The following TACR1 variants were observed in gnomAD, a reference collection of about 807,000 sequenced individuals.
The protein encoded by TACR1 is tachykinin receptor 1, also known as substance-P receptor.
Under a neutral mutation model 35.8 loss-of-function variants are expected in TACR1, and 25 were observed. The observed-to-expected ratio is 0.70, with a 90% CI of 0.51 to 0.98. TACR1 has a LOEUF of 0.98. TACR1 is among the 50% of genes least tolerant of loss of function. The pLI is 0.00. For missense variants in TACR1, 478 were observed against 522.9 expected, an observed-to-expected ratio of 0.91 and a Z score of 0.84; for synonymous variants, 195 against 206.7, an observed-to-expected ratio of 0.94 and a Z score of 0.48.
At position 75,106,195 on chromosome 2, in the gene TACR1, T is replaced by C. The variant is rs566656813; in HGVS notation, c.584+14379A>G. Among the ~76,000 whole-genome samples, 44 of 152,180 alleles carry C rather than the reference T, an allele frequency of 2.9e-4. No homozygotes were observed. In the South Asian group the frequency reaches 9.1e-3, roughly 32 times the overall value. On this transcript the variant is annotated intron_variant, in intron 2 of 4. Coordinates refer to ENST00000305249, the MANE Select transcript of TACR1 (RefSeq NM_001058.4). ...TTTATTAAAAATGGCAATGATAAAC[T>C]CATCGAAAGTTAACATAAATAATAC...
intron 1 of TACR1, among the ~76,000 whole-genome samples, chr2:75,186,144 C>A (rs1005149708): frequency 6.6e-6 from 1 of 151,874 alleles, no homozygotes; most frequent in African/African-American, 2.4e-5. Context: ...GAGGCTGAGG[C>A]GGGCGGATCA....
At chr2:75,145,378 G>A (rs535553252) in intron 1 of TACR1, among the ~76,000 whole-genome samples, 8 of 152,226 alleles carry the variant, frequency 5.3e-5, no homozygotes, top group Admixed American at 2.0e-4. Context: ...CTAGGAATGC[G>A]AGTCAATGCA....
chr2:75,107,885 A>G (rs1456545690), intron 2 of TACR1, among the ~76,000 whole-genome samples: 1 of 152,192 alleles, frequency 6.6e-6, no homozygotes, highest in South Asian at 2.1e-4. Flanking sequence ...AGAATTGGTA[A>G]ATAAACTATT....
At chr2:75,077,552 T>G (rs1673004212) in intron 2 of TACR1, among the ~76,000 whole-genome samples, 2 of 152,226 alleles carry the variant, frequency 1.3e-5, no homozygotes, top group African/African-American at 4.8e-5. Context: ...ACAAACATCC[T>G]GGTAAATGAT....
Position 75,051,427 on chromosome 2 carries a change from G to A in TACR1, c.756C>T (p.Val252=), listed in dbSNP as rs1170924118. The A allele has an allele frequency of 3.7e-6, 6 of 1,614,048 alleles. No homozygotes were observed. Among genetic ancestry groups the A allele is most frequent in the South Asian group, 1.1e-5 (1 of 91,064 alleles). The change falls in exon 4 of 5, where the codon GTC becomes GTT. Residue 252 remains valine, a synonymous_variant. Coordinates refer to ENST00000305249, the MANE Select transcript of TACR1 (RefSeq NM_001058.4). The stretch of plus-strand genomic sequence containing the variant: ...AGCAGATGGCGAAGGTGCACACCAC[G>A]ACAATCATCATTTTGACCACCTGGC... ...AKRKVVKMMI[V]VVCTFAICWL...
intron 2 of TACR1, among the ~76,000 whole-genome samples, chr2:75,071,416 C>A (rs1363780188): frequency 6.6e-6 from 1 of 152,218 alleles, no homozygotes; most frequent in East Asian, 1.9e-4. Flanking sequence ...CTGGGAGATT[C>A]TCTGAACCAG....
chr2:75,119,985 T>C (rs935224583), intron 2 of TACR1, among the ~76,000 whole-genome samples: 1 of 152,124 alleles, frequency 6.6e-6, no homozygotes, highest in Non-Finnish European at 1.5e-5. Flanking sequence ...TCGGACGTGA[T>C]GTAAAACACA....
At chr2:75,071,114 A>G (rs887137429) in intron 2 of TACR1, among the ~76,000 whole-genome samples, 3 of 152,178 alleles carry the variant, frequency 2.0e-5, no homozygotes, top group Admixed American at 2.0e-4. Flanking sequence ...CTGGTGGCTG[A>G]GTGGAGTAGC....
chr2:75,053,724 A>G lies in TACR1; in HGVS notation c.616T>C (p.Phe206Leu). Residue 206 changes from phenylalanine (F) to leucine (L), a missense_variant, in exon 3 of 5, where the codon TTC becomes CTC. Coordinates refer to ENST00000305249, the MANE Select transcript of TACR1 (RefSeq NM_001058.4). ...TAGCCAATCACCAGCAGGGGGAGGA[A>G]GTAGATCAGCACAGTCACACAGATG... ...YHICVTVLIY[F>L]LPLLVIGYAY... is the part of the protein sequence containing the mutation. 1 of 1,614,210 alleles carries G rather than the reference A, an allele frequency of 6.2e-7. No homozygotes were observed. Among genetic ancestry groups the G allele is most frequent in the Non-Finnish European group, 8.5e-7 (1 of 1,180,026 alleles).
intron 1 of TACR1, among the ~76,000 whole-genome samples, chr2:75,183,548 C>T (rs1675609968): frequency 6.6e-6 from 1 of 152,118 alleles, no homozygotes; most frequent in African/African-American, 2.4e-5. Flanking sequence ...AACATCTGTG[C>T]CCATGAGGAT....
rs1434553942 is a variant in TACR1, at chr2:75,049,406, G to C, written c.*26C>G. 1 of 1,597,168 alleles carries C rather than the reference G, an allele frequency of 6.3e-7. No individual in the cohort carries two copies. ...GGGAGGCAGGTCAAAGGCAGTGGGG[G>C]CTGCACCTGCCAAAGGCCCTGTGGC... On this transcript the variant is annotated 3_prime_UTR_variant, in exon 5 of 5. Coordinates refer to ENST00000305249, the MANE Select transcript of TACR1 (RefSeq NM_001058.4).
chr2:75,120,534 C>T (rs1673946078), intron 2 of TACR1, 40 bp downstream of exon 2: 1 of 1,538,918 alleles, frequency 6.5e-7, no homozygotes, highest in Admixed American at 1.9e-5. Context: ...AGGCAGCCTG[C>T]ACCATCGTTT....
intron 2 of TACR1, among the ~76,000 whole-genome samples, chr2:75,056,801 A>T (rs1284814447): frequency 2.0e-5 from 3 of 152,228 alleles, no homozygotes; most frequent in Non-Finnish European, 4.4e-5. Context: ...CAACAAAAAA[A>T]ATGGGCTTAA....
At chr2:75,138,724 TC>T (rs929462960) in intron 1 of TACR1, among the ~76,000 whole-genome samples, 1 of 152,078 alleles carries the variant, frequency 6.6e-6, no homozygotes, top group African/African-American at 2.4e-5. Flanking sequence ...GTAGTCTTGA[TC>T]CATGGCTGGG....
intron 2 of TACR1, among the ~76,000 whole-genome samples, chr2:75,089,064 C>G (rs1673246309): frequency 6.6e-6 from 1 of 152,196 alleles, no homozygotes; most frequent in Non-Finnish European, 1.5e-5. Context: ...CTGAATCACA[C>G]AGGTTCAATT....
chr2:75,062,554 ATTTC>A (rs1392319758), intron 2 of TACR1, among the ~76,000 whole-genome samples: 1 of 152,150 alleles, frequency 6.6e-6, no homozygotes, highest in Non-Finnish European at 1.5e-5. Flanking sequence ...CTAGTCTTCT[ATTTC>A]TTCTATTCGG....
intron 2 of TACR1, among the ~76,000 whole-genome samples, chr2:75,099,968 T>G (rs1031205951): frequency 6.6e-6 from 1 of 152,208 alleles, no homozygotes; most frequent in African/African-American, 2.4e-5. Context: ...CCAGCATTTA[T>G]TCCCCATTAT....
At chr2:75,197,240 G>T (rs1462079284) in intron 1 of TACR1, among the ~76,000 whole-genome samples, 3 of 152,166 alleles carry the variant, frequency 2.0e-5, no homozygotes, top group African/African-American at 7.2e-5. Flanking sequence ...TCAGTATTTG[G>T]ACACCACTGC....
intron 1 of TACR1, among the ~76,000 whole-genome samples, chr2:75,193,541 T>G (rs1675899424): frequency 6.6e-6 from 1 of 152,234 alleles, no homozygotes; most frequent in South Asian, 2.1e-4. Context: ...CATTCCCTGA[T>G]TCACCTGTGA....
Sources: allele counts gnomAD v4.1 joint callset (sites outside exome capture counted in the v4.1 genomes callset), GRCh38; gene constraint gnomAD v4.1.1; transcripts MANE v1.5; gene names NCBI Gene and HGNC (gene_info 2026-07-23, HGNC 2026-07-21).